Variants in PLEKHH2 observed in about 807,000 individuals in gnomAD.
PLEKHH2 encodes pleckstrin homology, MyTH4 and FERM domain containing H2.
Under a neutral mutation model 187.9 loss-of-function variants are expected in PLEKHH2, and 129 were observed. The ratio of observed to expected loss-of-function variants is 0.69; its 90% confidence interval spans 0.59 to 0.79. The LOEUF (loss-of-function observed/expected upper bound fraction) is 0.79. PLEKHH2 is among the 30% of genes least tolerant of loss of function. The probability of loss-of-function intolerance (pLI) is 0.00; values close to 1 mark genes in which losing one functional copy is unlikely to be tolerated. For missense variants in PLEKHH2, 2,076 were observed against 1,751.2 expected (o/e 1.19, Z -3.31); for synonymous variants, 686 against 605.6 (o/e 1.13, Z -1.95).
chr2:43,704,416 C>G (rs1353026965), intron 9 of PLEKHH2, among the ~76,000 whole-genome samples: 1 of 151,928 alleles, frequency 6.6e-6, no homozygotes, highest in African/African-American at 2.4e-5. Flanking sequence ...TATCCCAGCA[C>G]TTTGGGAGGC....
chr2:43,731,454 A>C (rs778681917), intron 18 of PLEKHH2, 36 bp from the exon 19 acceptor site: 13 of 1,353,292 alleles, frequency 9.6e-6, no homozygotes, highest in Non-Finnish European at 1.4e-5. Flanking sequence ...TAAGTGGTTT[A>C]TTCAGTTTTC....
chr2:43,673,047 T>C (rs970388856), intron 2 of PLEKHH2, among the ~76,000 whole-genome samples: 2 of 152,210 alleles, frequency 1.3e-5, no homozygotes, highest in Non-Finnish European at 2.9e-5. Flanking sequence ...CATTTACATC[T>C]TTTCATATAT....
At position 43,678,867 on chromosome 2, in the gene PLEKHH2, A is replaced by C; in HGVS notation, c.128A>C (p.Gln43Pro). Reference sequence around the variant, plus strand: ...ATATTTTCCCTCACTCTACAGATGCAACAGCTTGAGAGACAAGTTATTGAT... The same window carrying C: ...ATATTTTCCCTCACTCTACAGATGCCACAGCTTGAGAGACAAGTTATTGAT... ...KIRELLAEKM[Q>P]QLERQVIDAE... Residue 43 changes from glutamine (Q) to proline (P), a missense_variant, in exon 3 of 30, where the codon CAA becomes CCA. Coordinates refer to ENST00000282406, the MANE Select transcript of PLEKHH2 (RefSeq NM_172069.4). 6.2e-7 allele frequency: 1 copy of C among 1,601,680 alleles called. No homozygotes were observed. The highest frequency in any genetic ancestry group is 2.2e-5 in the East Asian group (1 of 44,698).
chr2:43,677,368 T>C (rs1052491081), intron 2 of PLEKHH2, among the ~76,000 whole-genome samples: 2 of 152,200 alleles, frequency 1.3e-5, no homozygotes, highest in Non-Finnish European at 2.9e-5. Context: ...TTTGTGTCCC[T>C]AGGTACTTGA....
chr2:43,728,277 G>A (rs1279980003), intron 17 of PLEKHH2, among the ~76,000 whole-genome samples: 2 of 151,314 alleles, frequency 1.3e-5, no homozygotes, highest in South Asian at 2.1e-4. Context: ...TCAGGAGTTC[G>A]AGACCAGCCT....
chr2:43,694,358 T>C (rs1668985996), intron 4 of PLEKHH2, 73 bp from the exon 5 acceptor site: 4 of 1,455,532 alleles, frequency 2.7e-6, no homozygotes, highest in Non-Finnish European at 2.8e-6. Flanking sequence ...ATATGCCTTG[T>C]ATATTTATGG....
At position 43,680,626 on chromosome 2, in the gene PLEKHH2, C is replaced by A. The variant is rs1668123345; in HGVS notation, c.186+1701C>A. On this transcript the variant is annotated intron_variant, in intron 3 of 29. Coordinates refer to ENST00000282406, the MANE Select transcript of PLEKHH2 (RefSeq NM_172069.4). ...CGTTGCTGCACTGCTGTTCTTTCCA[C>A]TAATTTTGGAAGTTGCAGTGTCTGT... 5 of 278,456 alleles carry A rather than the reference C, an allele frequency of 1.8e-5. No individual in the cohort carries two copies. The South Asian group carries it at 1.9e-4, about 11-fold the overall frequency. The allele number at this position is 278,456 out of a possible 1,614,324, so 17.2% of individuals were successfully genotyped here.
rs146831938 is a variant in PLEKHH2 at position 43,764,195 on chromosome 2, A to T, written c.4159-33A>T. On this transcript the variant is annotated intron_variant, in intron 28 of 29. Coordinates refer to ENST00000282406, the MANE Select transcript of PLEKHH2 (RefSeq NM_172069.4). ...TCCATCTCTCCTTGGAAGTAAGAGC[A>T]TATAACATATATACTTTTTCTTATC... 1,302 of 1,270,508 alleles carry T rather than the reference A, an allele frequency of 1.0e-3. 25 individuals carry two copies. In the East Asian group the frequency reaches 0.032, roughly 31 times the overall value. The allele number at this position is 1,270,508 out of a possible 1,614,324, so 78.7% of individuals were successfully genotyped here. A position where few individuals can be genotyped will look rare whatever the true frequency, so the allele number is the denominator to read the frequency against.
chr2:43,735,371 G>C (rs1022860374), intron 19 of PLEKHH2, among the ~76,000 whole-genome samples: 11 of 152,172 alleles, frequency 7.2e-5, no homozygotes, highest in African/African-American at 7.2e-5. Flanking sequence ...AGCTAAAAAA[G>C]TGGATCTCAT....
chr2:43,684,292 GTACCCTGGC>G (rs1668385130), intron 3 of PLEKHH2, among the ~76,000 whole-genome samples: 1 of 145,942 alleles, frequency 6.9e-6, no homozygotes, highest in Non-Finnish European at 1.5e-5. Flanking sequence ...CTTTACCTCT[GTACCCTGGC>G]TGTGTCTATA....
chr2:43,726,142 G>T, intron 16 of PLEKHH2, 130 bp from the exon 17 acceptor site: 2 of 661,820 alleles, frequency 3.0e-6, no homozygotes, highest in Non-Finnish European at 4.7e-6. Context: ...AAAAAAAAAG[G>T]AAAATAAAAA....
intron 2 of PLEKHH2, chr2:43,675,938 C>T (rs369365220): frequency 1.2e-5 from 20 of 1,613,888 alleles, no homozygotes; most frequent in Non-Finnish European, 1.7e-5. Context: ...CCATACTTTT[C>T]AAAGACGTAT....
rs1374935020 is a variant in PLEKHH2 at position 43,758,928 on chromosome 2, T to A, written c.3970T>A (p.Trp1324Arg). Residue 1324 changes from tryptophan to arginine, a missense_variant, in exon 27 of 30, where the codon TGG becomes AGG. Transcript: ENST00000282406. Reference protein sequence around the residue: ...RQLCQRLSTRWMALRGHSAAD... With the variant: ...RQLCQRLSTRRMALRGHSAAD... ...GCTTTGCCAGCGACTTTCAACCAGA[T>A]GGATGGCCCTCCGGGGACACAGTGC... The A allele has an allele frequency of 6.3e-7, 1 of 1,596,950 alleles. No individual in the cohort carries two copies. Among genetic ancestry groups the A allele is most frequent in the Admixed American group, 1.7e-5 (1 of 58,572 alleles).
chr2:43,671,395 A>T (rs941193585), intron 2 of PLEKHH2, among the ~76,000 whole-genome samples: 4 of 152,142 alleles, frequency 2.6e-5, no homozygotes, highest in East Asian at 1.9e-4. Context: ...TTGGGACTTT[A>T]TGTGTAGATA....
At chr2:43,731,216 G>T (rs956521748) in intron 18 of PLEKHH2, among the ~76,000 whole-genome samples, 1 of 152,018 alleles carries the variant, frequency 6.6e-6, no homozygotes, top group African/African-American at 2.4e-5. Flanking sequence ...AATCACTAAA[G>T]AACTTACTCA....
intron 15 of PLEKHH2, among the ~76,000 whole-genome samples, chr2:43,713,176 G>C (rs1042089041): frequency 2.6e-5 from 4 of 151,784 alleles, no homozygotes; most frequent in Admixed American, 2.0e-4. Flanking sequence ...CTTAGGAAGT[G>C]GTCTTAATTT....
chr2:43,753,600 T>G lies in PLEKHH2; in HGVS notation c.3654-19T>G. 7.0e-7 allele frequency: 1 copy of G among 1,436,772 alleles called. No individual in the cohort carries two copies. The highest frequency in any genetic ancestry group is 9.2e-7 in the Non-Finnish European group (1 of 1,085,760). 89.0% of individuals were successfully genotyped at this position (1,436,772 alleles called of 1,614,324 possible). A position where few individuals can be genotyped will look rare whatever the true frequency, so the allele number is the denominator to read the frequency against. ...GTAAGAATATAATTTAATGAGAAAT[T>G]TACTCTTTTTTTTTACAGACTATAT... On this transcript the variant is annotated intron_variant, in intron 24 of 29. Transcript: ENST00000282406.
At chr2:43,763,590 T>C (rs2104631896) in intron 28 of PLEKHH2, among the ~76,000 whole-genome samples, 1 of 151,240 alleles carries the variant, frequency 6.6e-6, no homozygotes, top group South Asian at 2.1e-4. Context: ...CGGCTAATTT[T>C]TTTTTTTTTT....
chr2:43,728,844 G>T (rs1426232863), intron 17 of PLEKHH2, among the ~76,000 whole-genome samples: 1 of 152,086 alleles, frequency 6.6e-6, no homozygotes, highest in African/African-American at 2.4e-5. Flanking sequence ...TTACAGGCAT[G>T]AGCCACCGTG....
Sources: allele counts gnomAD v4.1 joint callset (sites outside exome capture counted in the v4.1 genomes callset), GRCh38; gene constraint gnomAD v4.1.1; transcripts MANE v1.5; gene names NCBI Gene and HGNC (gene_info 2026-07-23, HGNC 2026-07-21).